The following HMGN5 variants were observed in gnomAD, a reference collection of about 807,000 sequenced individuals.
The protein encoded by HMGN5 is high mobility group nucleosome binding domain 5.
HMGN5 carries 4 observed loss-of-function variants against 9.5 expected under a neutral mutation model. That is an observed-to-expected ratio of 0.42 (90% CI 0.21 to 0.96). The LOEUF (loss-of-function observed/expected upper bound fraction) is 0.96. Ranked by LOEUF, HMGN5 falls within the 40% of genes least tolerant of loss-of-function variation. HMGN5 has a pLI of 0.30. For synonymous variants in HMGN5, 55 were observed against 57.1 expected (o/e 0.96, Z 0.16); for missense variants, 192 against 187.5 (o/e 1.02, Z -0.14).
intron 1 of HMGN5, among the ~76,000 whole-genome samples, chrX:81,183,070 G>A (rs2075467315): frequency 8.9e-6 from 1 of 111,942 alleles, no homozygotes; most frequent in African/African-American, 3.3e-5. Context: ...GTTATGAGAT[G>A]ATTTAGGGTA....
chrX:81,195,828 G>C (rs1351490110), intron 1 of HMGN5, among the ~76,000 whole-genome samples: 2 of 112,014 alleles, frequency 1.8e-5, no homozygotes, highest in Admixed American at 1.9e-4. Flanking sequence ...ATTCTGTAAA[G>C]AGCTAATAAA....
chrX:81,180,097 A>T (rs1277202052), intron 1 of HMGN5, among the ~76,000 whole-genome samples: 5 of 111,760 alleles, frequency 4.5e-5, no homozygotes, highest in African/African-American at 1.3e-4. Flanking sequence ...AACCATAAAA[A>T]CCCTAGAAGA....
chrX:81,160,034 C>A (rs2075394174), intron 1 of HMGN5, among the ~76,000 whole-genome samples: 1 of 111,411 alleles, frequency 9.0e-6, no homozygotes, highest in Admixed American at 9.6e-5. Flanking sequence ...TTTAATATTT[C>A]TAGTTATGAA....
intron 1 of HMGN5, among the ~76,000 whole-genome samples, chrX:81,181,136 T>A (rs976239704): frequency 9.0e-6 from 1 of 110,871 alleles, no homozygotes; most frequent in Non-Finnish European, 1.9e-5. Flanking sequence ...ACATGGCACA[T>A]GTATACCTAT....
intron 1 of HMGN5, among the ~76,000 whole-genome samples, chrX:81,122,484 T>A (rs570379522): frequency 8.9e-6 from 1 of 111,979 alleles, no homozygotes; most frequent in Middle Eastern, 4.6e-3. Context: ...ATTGAGGTAC[T>A]CGCCTCAGGC....
At chrX:81,119,657 T>C in intron 3 of HMGN5, 131 bp downstream of exon 3, 1 of 461,568 alleles carries the variant, frequency 2.2e-6, no homozygotes, top group Non-Finnish European at 3.7e-6. Context: ...TTTTGAGAGA[T>C]CCCACTGGTA....
chrX:81,174,336 A>G (rs761013715), intron 1 of HMGN5, among the ~76,000 whole-genome samples: 1 of 111,600 alleles, frequency 9.0e-6, no homozygotes, highest in Non-Finnish European at 1.9e-5. Flanking sequence ...TAAGGGTAGA[A>G]TAACACTAGT....
chrX:81,194,471 T>C (rs1414854454), intron 1 of HMGN5, among the ~76,000 whole-genome samples: 1 of 111,685 alleles, frequency 9.0e-6, no homozygotes, highest in Non-Finnish European at 1.9e-5. Flanking sequence ...AAAGAAAATA[T>C]ATAAATGGCA....
intron 1 of HMGN5, among the ~76,000 whole-genome samples, chrX:81,151,497 A>G (rs2075362316): frequency 1.8e-5 from 2 of 110,038 alleles, no homozygotes; most frequent in South Asian, 3.8e-4. Context: ...AGTCATTGGT[A>G]GCTTGATGGG....
In HMGN5 at chrX:81,114,346, A is replaced by G. The variant is rs1269066382; in HGVS notation, c.*303T>C. The G allele has an allele frequency of 6.5e-6, 1 of 154,362 alleles. No individual in the cohort carries two copies. The highest frequency in any genetic ancestry group is 3.1e-5 in the African/African-American group (1 of 32,769). The allele number at this position is 154,362 out of a possible 1,213,427, so 12.7% of individuals were successfully genotyped here. On this transcript the variant is annotated 3_prime_UTR_variant, in exon 7 of 7. Transcript: ENST00000358130. ...ATCCCTCACTTTATGAAATTATCAC[A>G]TGTATAAAAGAGTAAAATTAAAATT...
chrX:81,200,233 G>T (rs1264944079), intron 1 of HMGN5, among the ~76,000 whole-genome samples: 1 of 112,033 alleles, frequency 8.9e-6, no homozygotes, highest in Non-Finnish European at 1.9e-5. Context: ...AGGGTTTGGA[G>T]AAATAGGAAT....
At chrX:81,142,190 C>A (rs1381656551) in intron 1 of HMGN5, among the ~76,000 whole-genome samples, 1 of 111,276 alleles carries the variant, frequency 9.0e-6, no homozygotes, top group South Asian at 3.7e-4. Context: ...GAATAAATAA[C>A]CAAAAAGCAC....
intron 2 of HMGN5, among the ~76,000 whole-genome samples, chrX:81,120,615 A>C (rs188087757): frequency 5.9e-4 from 66 of 111,728 alleles, no homozygotes; most frequent in African/African-American, 2.0e-3. Context: ...GGAGTTGTTT[A>C]TAGGAATAAT....
chrX:81,121,444 T>TA (rs976707413), intron 2 of HMGN5, 91 bp downstream of exon 2: 96 of 974,171 alleles, frequency 9.9e-5, no homozygotes, highest in Non-Finnish European at 1.1e-4. Flanking sequence ...CAAAAAGCTT[T>TA]AAAAAAAACC....
chrX:81,155,102 T>TATATATATATACAC (rs1407923805), intron 1 of HMGN5, among the ~76,000 whole-genome samples: 1 of 91,068 alleles, frequency 1.1e-5, no homozygotes, highest in African/African-American at 4.0e-5. Flanking sequence ...TATATATATA[T>TATATATATATACAC]ACACACACAC....
At chrX:81,118,329 A>C in intron 5 of HMGN5, 103 bp downstream of exon 5, 1 of 467,069 alleles carries the variant, frequency 2.1e-6, no homozygotes, top group Non-Finnish European at 3.6e-6. Flanking sequence ...TTACTAACTG[A>C]ACAAAATATA....
At chrX:81,188,263 A>ATTAT (rs2075483055) in intron 1 of HMGN5, among the ~76,000 whole-genome samples, 1 of 86,975 alleles carries the variant, frequency 1.1e-5, no homozygotes, top group Non-Finnish European at 2.2e-5. Context: ...TGTGCACAGA[A>ATTAT]TATTATTATT....
At chrX:81,175,343 T>TTGTGTGTG (rs765266419) in intron 1 of HMGN5, among the ~76,000 whole-genome samples, 10 of 106,522 alleles carry the variant, frequency 9.4e-5, no homozygotes, top group Non-Finnish European at 1.2e-4. Flanking sequence ...ACAATTCTAT[T>TTGTGTGTG]TGTGTGTGTG....
At chrX:81,200,433 A>C (rs1017533491) in intron 1 of HMGN5, among the ~76,000 whole-genome samples, 1 of 112,289 alleles carries the variant, frequency 8.9e-6, no homozygotes, top group East Asian at 2.8e-4. Flanking sequence ...AGCACTATTC[A>C]TAATAGCAAA....
Sources: allele counts gnomAD v4.1 joint callset (sites outside exome capture counted in the v4.1 genomes callset), GRCh38; gene constraint gnomAD v4.1.1; transcripts MANE v1.5; gene names NCBI Gene and HGNC (gene_info 2026-07-23, HGNC 2026-07-21).